Variants in PTRH1 observed in about 807,000 individuals in gnomAD.
PTRH1 encodes the protein peptidyl-tRNA hydrolase 1 homolog.
PTRH1 carries 13 observed loss-of-function variants against 15.7 expected under a neutral mutation model. The observed-to-expected ratio is 0.83, with a 90% CI of 0.54 to 1.31. The LOEUF is 1.31. Ranked by LOEUF, PTRH1 falls within the 40% of genes most tolerant of loss-of-function variation. The pLI is 0.00. For missense variants in PTRH1, 319 were observed against 296.2 expected, an observed-to-expected ratio of 1.08 and a Z score of -0.56; for synonymous variants, 139 against 136.7, an observed-to-expected ratio of 1.02 and a Z score of -0.12.
downstream of PTRH1, chr9:127,711,702 AGTCCAGCCCTGGAGAG>A: frequency 8.0e-7 from 1 of 1,249,704 alleles, no homozygotes; most frequent in South Asian, 1.5e-5. Context: ...ATGGAAGCAG[AGTCCAGCCCTGGAGAG>A]CTCACTGGCC....
At chr9:127,714,790 A>C in intron 2 of PTRH1, 88 bp from the exon 3 acceptor site, 3 of 1,186,820 alleles carry the variant, frequency 2.5e-6, no homozygotes, top group Non-Finnish European at 2.4e-6. Context: ...ACCACAACTA[A>C]TCCCACTTCA....
At chr9:127,695,053 TTGATGATGATGATGATGATGATGA>T (rs57076743) in exon 2 of PTRH1, 42 of 671,816 alleles carry the variant, frequency 6.3e-5, no homozygotes, top group Admixed American at 5.3e-4. Context: ...GGCTCAGCCA[TTGATGATGATGATGATGATGATGA>T]TGATGATGAT....
At position 127,715,452 on chromosome 9, in the gene PTRH1, C is replaced by A. The variant is rs1469938672; in HGVS notation, c.96+92G>T. 4 of 1,552,416 alleles carry A rather than the reference C, an allele frequency of 2.6e-6. No individual in the cohort carries two copies. Among genetic ancestry groups the A allele is most frequent in the Non-Finnish European group, 3.5e-6 (4 of 1,134,688 alleles). On this transcript the variant is annotated intron_variant, in intron 1 of 4. Coordinates refer to ENST00000543175, the MANE Select transcript of PTRH1 (RefSeq NM_001002913.3). The surrounding 1 kb of genome is among the most constrained non-coding windows in gnomAD (Gnocchi z 5.8). ...GAACTCACCAGTTAAGAAAACAGAG[C>A]AGCAATTTGGGGGCACTCGGCTCCC...
downstream of PTRH1, chr9:127,713,751 C>A: frequency 5.1e-6 from 6 of 1,169,888 alleles, no homozygotes; most frequent in South Asian, 7.4e-5. Context: ...AAGCAATCCC[C>A]CAGCCTCGGC....
At chr9:127,694,592 G>A (rs929472702) in intron 2 of PTRH1, among the ~76,000 whole-genome samples, 3 of 151,768 alleles carry the variant, frequency 2.0e-5, no homozygotes, top group African/African-American at 2.4e-5. Context: ...AGTCTCCAAC[G>A]GTGTTAAATA....
chr9:127,714,165 G>C lies in PTRH1; in HGVS notation c.580C>G (p.Arg194Gly), dbSNP rs1204139984. 11 of 1,613,794 alleles carry C rather than the reference G, an allele frequency of 6.8e-6. No individual in the cohort carries two copies. Among genetic ancestry groups the C allele is most frequent in the African/African-American group, 1.3e-5 (1 of 74,942 alleles). The change falls in exon 5 of 5, where the codon CGA becomes GGA. Residue 194 changes from arginine to glycine, a missense_variant. Arg to Gly is a moderately radical substitution (Grantham distance 125, BLOSUM62 -2). Coordinates refer to ENST00000543175, the MANE Select transcript of PTRH1 (RefSeq NM_001002913.3). ...EQELLPLLLD[R>G]ATDLILDHIR... ...TGGTCCAAGATCAGGTCGGTGGCTC[G>C]ATCCAGCAACAGAGGCAGCAGCTCC...
At chr9:127,695,119 T>C (rs1211790616) in exon 2 of PTRH1, 1 of 701,594 alleles carries the variant, frequency 1.4e-6, no homozygotes, top group East Asian at 2.7e-5. Context: ...GCTGCTGCTG[T>C]TGACGATGAG....
chr9:127,704,685 A>C (rs1013497009), intron 1 of PTRH1, among the ~76,000 whole-genome samples: 5 of 152,082 alleles, frequency 3.3e-5, no homozygotes, highest in Admixed American at 6.6e-5. Context: ...TCTGTAAATG[A>C]TGAGGAAAGA....
chr9:127,699,280 G>A (rs1327739022), intron 1 of PTRH1, among the ~76,000 whole-genome samples: 1 of 152,228 alleles, frequency 6.6e-6, no homozygotes, highest in African/African-American at 2.4e-5. Flanking sequence ...TTGCCGCCAG[G>A]GCGCCTTCTG....
intron 1 of PTRH1, among the ~76,000 whole-genome samples, chr9:127,706,611 A>AT (rs1387505796): frequency 6.6e-6 from 1 of 152,130 alleles, no homozygotes; most frequent in Admixed American, 6.5e-5. Flanking sequence ...CAATGCACCC[A>AT]TGCCAGGACA....
At chr9:127,702,020 G>A (rs1211930644) in intron 1 of PTRH1, among the ~76,000 whole-genome samples, 8 of 151,840 alleles carry the variant, frequency 5.3e-5, no homozygotes, top group African/African-American at 1.9e-4. Flanking sequence ...CCAGAAGTTC[G>A]AGACGAGCCT....
downstream of PTRH1, chr9:127,712,876 G>A (rs930782828): frequency 1.9e-6 from 3 of 1,608,518 alleles, no homozygotes; most frequent in African/African-American, 4.0e-5. Flanking sequence ...CCAAGGAGAG[G>A]TAAGCAAGTG....
At chr9:127,711,695 G>A (rs1484817753), downstream of PTRH1, 3 of 1,227,816 alleles carry the variant, frequency 2.4e-6, no homozygotes, top group African/African-American at 3.0e-5. Flanking sequence ...ATAACTTATG[G>A]AAGCAGAGTC....
intron 1 of PTRH1, among the ~76,000 whole-genome samples, chr9:127,696,310 G>A (rs562852748): frequency 1.3e-5 from 2 of 152,310 alleles, no homozygotes; most frequent in African/African-American, 2.4e-5. Context: ...CACTCCAGCT[G>A]GGACAACAGC....
In PTRH1 at chr9:127,715,008, T is replaced by C. The variant is rs1349250659; in HGVS notation, c.283A>G (p.Met95Val). 3 of 1,316,448 alleles carry C rather than the reference T, an allele frequency of 2.3e-6. No individual in the cohort carries two copies. Among genetic ancestry groups the C allele is most frequent in the African/African-American group, 3.1e-5 (2 of 64,636 alleles). The allele number at this position is 1,316,448 out of a possible 1,614,324, so 81.5% of individuals were successfully genotyped here. ...GCCACGCTGCGCCCGTTGGCGTTCA[T>C]AAGCCGCCGTGGCCGGAGCAGGACC... ...QLVLLRPRRL[M>V]NANGRSVARA... The change falls in exon 2 of 5, where the codon ATG becomes GTG. Residue 95 changes from methionine to valine, a missense_variant. Met to Val is a conservative substitution (Grantham distance 21, BLOSUM62 1). Coordinates refer to ENST00000543175, the MANE Select transcript of PTRH1 (RefSeq NM_001002913.3). This position sits in a 1 kb window ranked among gnomAD's most constrained non-coding sequence, Gnocchi z 5.8.
At chr9:127,708,016 A>G (rs1842685437) in intron 1 of PTRH1, among the ~76,000 whole-genome samples, 1 of 152,160 alleles carries the variant, frequency 6.6e-6, no homozygotes, top group Non-Finnish European at 1.5e-5. Flanking sequence ...CAGATGGGGA[A>G]GACTGAGGCT....
At position 127,703,845 on chromosome 9, in the gene PTRH1, T is replaced by C. The variant is rs1403220674; in HGVS notation, c.206-8704A>G. Among the ~76,000 whole-genome samples, 4 of 152,286 alleles carry C rather than the reference T, an allele frequency of 2.6e-5. No individual in the cohort carries two copies. The South Asian group carries it at 6.2e-4, about 24-fold the overall frequency. On this transcript the variant is annotated intron_variant, in intron 1 of 2. Coordinates refer to the PTRH1 transcript ENST00000335223. ...CGGCAGGGCCCAAGCATTCTCAACC[T>C]GCCACACCTGGAGAAGAGCTTCCAC...
chr9:127,710,240 G>A (rs546250163), downstream of PTRH1, among the ~76,000 whole-genome samples: 6 of 148,018 alleles, frequency 4.1e-5, no homozygotes, highest in South Asian at 1.3e-3. Flanking sequence ...CTGTGACTGT[G>A]CCACTGCACT....
intron 1 of PTRH1, chr9:127,706,886 G>C: frequency 2.2e-6 from 2 of 929,676 alleles, no homozygotes; most frequent in Non-Finnish European, 3.2e-6. Flanking sequence ...CTTGGAGTGG[G>C]ACCTGGTACC....
Sources: gnomAD v4.1 joint callset for allele counts (sites outside exome capture counted in the v4.1 genomes callset) on GRCh38, gnomAD v4.1.1 for gene constraint, Gnocchi (gnomAD v3.1) non-coding constraint, MANE v1.5 for transcripts, NCBI Gene and HGNC (gene_info 2026-07-23, HGNC 2026-07-21) for gene names.